PODXL: variants seen among roughly 807,000 people sequenced by gnomAD.
PODXL encodes the protein podocalyxin like, also known as podocalyxin.
In PODXL, 20 loss-of-function variants were observed where a neutral mutation model predicts 48.9. That is an observed-to-expected ratio of 0.41 (90% confidence interval 0.29 to 0.59). The LOEUF (loss-of-function observed/expected upper bound fraction) is 0.59, where lower values mean the gene tolerates loss of function less well. PODXL is among the 20% of genes least tolerant of loss of function. The probability of loss-of-function intolerance (pLI) is 0.31; values close to 1 mark genes in which losing one functional copy is unlikely to be tolerated. For missense variants in PODXL, 606 were observed against 675.1 expected, an observed-to-expected ratio of 0.90 and a Z score of 1.13; for synonymous variants, 295 against 287.4, an observed-to-expected ratio of 1.03 and a Z score of -0.27.
intron 1 of PODXL, among the ~76,000 whole-genome samples, chr7:131,520,833 C>T (rs1397041717): frequency 6.6e-6 from 1 of 152,194 alleles, no homozygotes; most frequent in Non-Finnish European, 1.5e-5. Flanking sequence ...CTAATGAGAG[C>T]AGAGACTGGA....
chr7:131,506,388 G>T, intron 6 of PODXL, 67 bp from the exon 7 acceptor site: 1 of 1,540,728 alleles, frequency 6.5e-7, no homozygotes, highest in Non-Finnish European at 9.0e-7. Flanking sequence ...CGGGGACTGC[G>T]CCCCAAGAGA....
rs756919505 is a variant in PODXL at position 131,504,213 on chromosome 7, A to G, written c.*98T>C. ...TGGGAGGGGACACCCCTCGGAGTTC[A>G]CTCTCCCTCCCCAGTCTTTCCCTTC... On this transcript the variant is annotated 3_prime_UTR_variant, in exon 9 of 9. Transcript: ENST00000378555. 4 of 996,908 alleles carry G rather than the reference A, an allele frequency of 4.0e-6. No homozygotes were observed. Among genetic ancestry groups the G allele is most frequent in the Non-Finnish European group, 6.1e-6 (4 of 657,810 alleles). 61.8% of individuals were successfully genotyped at this position (996,908 alleles called of 1,614,324 possible).
chr7:131,554,908 GTGATT>G (rs929914852), intron 1 of PODXL, among the ~76,000 whole-genome samples: 9 of 152,296 alleles, frequency 5.9e-5, no homozygotes, highest in African/African-American at 1.9e-4. Context: ...TGGCTCTTCA[GTGATT>G]GCCACTCTGA....
intron 5 of PODXL, chr7:131,506,936 G>A (rs1306973996): frequency 6.8e-6 from 4 of 591,414 alleles, no homozygotes; most frequent in South Asian, 4.0e-5. Flanking sequence ...CCTCTGTCTC[G>A]TTCCCATCAG....
chr7:131,508,736 G>A (rs1181666189), intron 5 of PODXL, among the ~76,000 whole-genome samples: 3 of 151,894 alleles, frequency 2.0e-5, no homozygotes, highest in Admixed American at 1.3e-4. Context: ...CCAGTCCTGT[G>A]GGTGTGTCCT....
rs576069969 is a variant in PODXL at position 131,505,804 on chromosome 7, C to T, written c.1479+64G>A. 9.3e-5 allele frequency: 135 copies of T among 1,448,384 alleles called. 1 individual carries two copies. The highest frequency in any genetic ancestry group is 2.7e-4 in the African/African-American group (19 of 71,258). 89.7% of individuals were successfully genotyped at this position (1,448,384 alleles called of 1,614,324 possible). On this transcript the variant is annotated intron_variant, in intron 8 of 8. Transcript: ENST00000378555. ...TTCCTCTTCTGCAACTCGGGAATCACGAGGGGAGGGTTCCTCTGGTGACCT... is the reference window on the plus strand; with the variant it reads ...TTCCTCTTCTGCAACTCGGGAATCATGAGGGGAGGGTTCCTCTGGTGACCT...
chr7:131,550,841 T>C (rs1302513569), intron 1 of PODXL, among the ~76,000 whole-genome samples: 2 of 152,050 alleles, frequency 1.3e-5, no homozygotes, highest in African/African-American at 4.8e-5. Context: ...GAAAGCTATT[T>C]ATTGAGAGTC....
intron 1 of PODXL, 50 bp downstream of exon 1, chr7:131,556,210 G>T (rs1798740020): frequency 7.1e-7 from 1 of 1,414,936 alleles, no homozygotes; most frequent in Non-Finnish European, 9.2e-7. Context: ...CCGGGCAGGG[G>T]GCACATGGGC....
At chr7:131,538,632 G>A (rs185394461) in intron 1 of PODXL, among the ~76,000 whole-genome samples, 24 of 152,170 alleles carry the variant, frequency 1.6e-4, no homozygotes, top group Admixed American at 7.8e-4. Context: ...GAATTCAATC[G>A]ACGGTGCCAC....
chr7:131,533,101 A>G (rs937795632), intron 1 of PODXL, among the ~76,000 whole-genome samples: 12 of 152,164 alleles, frequency 7.9e-5, no homozygotes, highest in Admixed American at 4.6e-4. Flanking sequence ...GGCTGCTCCA[A>G]CTGTCTGGGG....
At chr7:131,524,408 A>AGAG (rs367857912) in intron 1 of PODXL, among the ~76,000 whole-genome samples, 1 of 149,606 alleles carries the variant, frequency 6.7e-6, no homozygotes, top group Non-Finnish European at 1.5e-5. Flanking sequence ...AGAGAGAGAG[A>AGAG]AAACAACAAG....
chr7:131,510,724 G>A (rs567497489), intron 2 of PODXL, 104 bp downstream of exon 2: 54 of 1,374,346 alleles, frequency 3.9e-5, no homozygotes, highest in South Asian at 3.8e-4. Flanking sequence ...CACCTGTCTC[G>A]GCCTCCCAAA....
rs1797677017 is a variant in PODXL at position 131,500,276 on chromosome 7, A to G, written c.*4035T>C. 6.6e-6 allele frequency: 1 copy of G among 152,382 alleles called. No individual in the cohort carries two copies. The highest frequency in any genetic ancestry group is 1.5e-5 in the Non-Finnish European group (1 of 68,042). 9.4% of individuals were successfully genotyped at this position (152,382 alleles called of 1,614,324 possible). A position where few individuals can be genotyped will look rare whatever the true frequency, so the allele number is the denominator to read the frequency against. ...ACTACTAGAGCTTGAACCAGTTTACACAAAAACACTTTAATTGACAGTATA... is the reference window on the plus strand; with the variant it reads ...ACTACTAGAGCTTGAACCAGTTTACGCAAAAACACTTTAATTGACAGTATA... On this transcript the variant is annotated 3_prime_UTR_variant, in exon 9 of 9. Coordinates refer to ENST00000378555, the MANE Select transcript of PODXL (RefSeq NM_001018111.3).
intron 1 of PODXL, among the ~76,000 whole-genome samples, chr7:131,528,756 GT>G (rs1234750230): frequency 6.6e-6 from 1 of 152,182 alleles, no homozygotes; most frequent in Non-Finnish European, 1.5e-5. Flanking sequence ...GAGAATGGGG[GT>G]TTTGCTAGGT....
At chr7:131,513,926 T>G (rs1427026150) in intron 1 of PODXL, among the ~76,000 whole-genome samples, 1 of 152,206 alleles carries the variant, frequency 6.6e-6, no homozygotes. Flanking sequence ...AAGGATTGGT[T>G]GTCAGGCCTT....
At chr7:131,522,051 C>G (rs1035846230) in intron 1 of PODXL, among the ~76,000 whole-genome samples, 2 of 152,196 alleles carry the variant, frequency 1.3e-5, no homozygotes, top group African/African-American at 4.8e-5. Context: ...CAGTGAAGGC[C>G]GCACCCTCAA....
At chr7:131,553,932 T>A (rs1798705121) in intron 1 of PODXL, among the ~76,000 whole-genome samples, 1 of 152,240 alleles carries the variant, frequency 6.6e-6, no homozygotes, top group Non-Finnish European at 1.5e-5. Context: ...GGGGGTCTGA[T>A]GAATTGTCCA....
intron 1 of PODXL, among the ~76,000 whole-genome samples, chr7:131,547,066 C>T (rs886385322): frequency 5.3e-5 from 8 of 152,124 alleles, no homozygotes; most frequent in Non-Finnish European, 1.0e-4. Flanking sequence ...CTAGGGCTGA[C>T]GCCAATACAA....
intron 1 of PODXL, among the ~76,000 whole-genome samples, chr7:131,537,793 G>A (rs1390300636): frequency 1.3e-5 from 2 of 152,130 alleles, no homozygotes; most frequent in South Asian, 2.1e-4. Flanking sequence ...TGTCTGTTGT[G>A]GGATTTCATA....
Sources: allele counts gnomAD v4.1 joint callset (sites outside exome capture counted in the v4.1 genomes callset), GRCh38; gene constraint gnomAD v4.1.1; transcripts MANE v1.5; gene names NCBI Gene and HGNC (gene_info 2026-07-23, HGNC 2026-07-21).